Variants in ZNF503 observed in about 807,000 individuals in gnomAD.
The protein encoded by ZNF503 is NocA-like zinc finger 2.
ZNF503 carries 15 observed loss-of-function variants against 34.4 expected under a neutral mutation model. That is an observed-to-expected ratio of 0.44 (90% CI 0.29 to 0.67). ZNF503 has a LOEUF of 0.67. Ranked by LOEUF, ZNF503 falls within the 30% of genes least tolerant of loss-of-function variation. ZNF503 has a pLI of 0.13. For missense variants in ZNF503, 1,007 were observed against 926.8 expected (o/e 1.09, Z -1.12); for synonymous variants, 580 against 456.8 (o/e 1.27, Z -3.44).
At chr10:75,378,029 T>A in the ZNF503 span, among the ~76,000 whole-genome samples, 1 of 151,880 alleles carries the variant, frequency 6.6e-6, no homozygotes, top group Non-Finnish European at 1.5e-5. Context: ...TTTAAACAAC[T>A]GTCTCATGAG....
At chr10:75,344,362 C>G in the ZNF503 span, among the ~76,000 whole-genome samples, 1 of 152,232 alleles carries the variant, frequency 6.6e-6, no homozygotes, top group Non-Finnish European at 1.5e-5. Context: ...TAGCCCCAGA[C>G]AAGAAATTCC....
the ZNF503 span, among the ~76,000 whole-genome samples, chr10:75,339,757 A>C: frequency 1.5e-3 from 228 of 152,290 alleles, no homozygotes; most frequent in African/African-American, 5.4e-3. Flanking sequence ...GGTTTTATAC[A>C]TCTTGATGCT....
At chr10:75,332,462 ATTTTTCTT>A in the ZNF503 span, among the ~76,000 whole-genome samples, 1,674 of 94,046 alleles carry the variant, frequency 0.018, 34 homozygotes, top group African/African-American at 0.069. Context: ...TTCAGTTTAA[ATTTTTCTT>A]TTTTTTTTTT....
chr10:75,300,194 C>T, the ZNF503 span, among the ~76,000 whole-genome samples: 1,501 of 152,280 alleles, frequency 9.9e-3, 33 homozygotes, highest in African/African-American at 0.035. Flanking sequence ...AAGAATTCAG[C>T]GATATTTCTC....
chr10:75,348,477 C>T, the ZNF503 span, among the ~76,000 whole-genome samples: 14 of 150,324 alleles, frequency 9.3e-5, no homozygotes, highest in Non-Finnish European at 1.5e-4. Flanking sequence ...GGATTACAGG[C>T]GTGAGCCACC....
chr10:75,388,629 C>T, the ZNF503 span, among the ~76,000 whole-genome samples: 5,950 of 152,276 alleles, frequency 0.039, 372 homozygotes, highest in African/African-American at 0.14. Flanking sequence ...GTCACTTTGC[C>T]GCTTTGTGCC....
chr10:75,319,153 A>T, the ZNF503 span, among the ~76,000 whole-genome samples: 2 of 152,040 alleles, frequency 1.3e-5, no homozygotes, highest in Non-Finnish European at 2.9e-5. Flanking sequence ...CTTTGTAGAG[A>T]CAGGGTTTTG....
At position 75,399,231 on chromosome 10, in the gene ZNF503, C is replaced by T. The variant is rs1296522929; in HGVS notation, c.1459G>A (p.Ala487Thr). The change falls in exon 2 of 2, where the codon GCT becomes ACT. Residue 487 changes from alanine to threonine, a missense_variant. Physicochemically the swap from Ala to Thr is moderately conservative, Grantham distance 58 (BLOSUM62 0). Coordinates refer to ENST00000372524, the MANE Select transcript of ZNF503 (RefSeq NM_032772.6). ...AGGGAGGGCGGTGTGGCGCCAGCAGCCGCGGCGGCCGTTAGCGAGGAGTGC... is the reference window on the plus strand; with the variant it reads ...AGGGAGGGCGGTGTGGCGCCAGCAGTCGCGGCGGCCGTTAGCGAGGAGTGC... The part of the protein sequence containing the change: ...GVHSSLTAAA[A>T]AGATPPSLAG... 2 of 1,589,204 alleles carry T rather than the reference C, an allele frequency of 1.3e-6. No homozygotes were observed. The highest frequency in any genetic ancestry group is 2.2e-5 in the East Asian group (1 of 44,448).
At chr10:75,389,668 T>C in the ZNF503 span, among the ~76,000 whole-genome samples, 2 of 152,164 alleles carry the variant, frequency 1.3e-5, no homozygotes, top group Non-Finnish European at 2.9e-5. Context: ...AGGCAGAGGT[T>C]GCAGTGAGCT....
At chr10:75,305,336 C>A in the ZNF503 span, among the ~76,000 whole-genome samples, 9 of 151,964 alleles carry the variant, frequency 5.9e-5, no homozygotes, top group African/African-American at 1.7e-4. Context: ...TATAAAGCAC[C>A]ATTTCACTAA....
At chr10:75,362,687 CA>C in the ZNF503 span, among the ~76,000 whole-genome samples, 1 of 152,132 alleles carries the variant, frequency 6.6e-6, no homozygotes, top group Admixed American at 6.5e-5. Flanking sequence ...GGGTATGAGG[CA>C]CTAATGTGGT....
At chr10:75,375,765 C>T in the ZNF503 span, among the ~76,000 whole-genome samples, 2 of 152,312 alleles carry the variant, frequency 1.3e-5, no homozygotes, top group East Asian at 3.9e-4. Context: ...GATCTGCCCA[C>T]CTCAGCCTTC....
Position 75,399,433 on chromosome 10 carries a change from C to G in ZNF503, c.1257G>C (p.Pro419=), listed in dbSNP as rs776297115. 19 of 1,596,900 alleles carry G rather than the reference C, an allele frequency of 1.2e-5. No individual in the cohort carries two copies. In the South Asian group the frequency reaches 1.9e-4, roughly 16 times the overall value. Residue 419 remains proline (P), a synonymous_variant, in exon 2 of 2, where the codon CCG becomes CCC. Transcript: ENST00000372524. ...GSSPLAGASP[P]SVMTASLCRD... ...GGCACAAACTGGCTGTCATCACGGA[C>G]GGCGGAGACGCTCCGGCCAAAGGGC...
chr10:75,374,854 T>C, the ZNF503 span, among the ~76,000 whole-genome samples: 1 of 152,162 alleles, frequency 6.6e-6, no homozygotes. Context: ...CCAGGGAAAA[T>C]TGATACCAGC....
At chr10:75,316,705 A>G in the ZNF503 span, among the ~76,000 whole-genome samples, 7 of 152,320 alleles carry the variant, frequency 4.6e-5, no homozygotes, top group African/African-American at 1.4e-4. Flanking sequence ...GGAATCATAT[A>G]AAACATTTTT....
the ZNF503 span, among the ~76,000 whole-genome samples, chr10:75,329,162 T>C: frequency 1.3e-5 from 2 of 152,264 alleles, no homozygotes; most frequent in East Asian, 1.9e-4. Context: ...TTGATTTTTT[T>C]GTGTAGCTAT....
At chr10:75,324,326 C>G in the ZNF503 span, among the ~76,000 whole-genome samples, 12 of 150,474 alleles carry the variant, frequency 8.0e-5, no homozygotes, top group South Asian at 1.0e-3. Flanking sequence ...GTTTGTTTTT[C>G]TGTTTTTTTT....
At chr10:75,314,296 A>G in the ZNF503 span, among the ~76,000 whole-genome samples, 766 of 151,654 alleles carry the variant, frequency 5.1e-3, 25 homozygotes, top group Non-Finnish European at 1.6e-3. Flanking sequence ...AGACAACTCA[A>G]TGAAATCAGA....
the ZNF503 span, among the ~76,000 whole-genome samples, chr10:75,294,713 A>G: frequency 9.1e-6 from 1 of 109,802 alleles, no homozygotes. Flanking sequence ...GAAGGAAGAG[A>G]GAGGAGGGGT....
Sources: gnomAD v4.1 joint callset for allele counts (sites outside exome capture counted in the v4.1 genomes callset) on GRCh38, gnomAD v4.1.1 for gene constraint, MANE v1.5 for transcripts, NCBI Gene and HGNC (gene_info 2026-07-23, HGNC 2026-07-21) for gene names.